Variants in LRRTM4 observed in about 807,000 individuals in gnomAD.
LRRTM4 encodes the protein leucine rich repeat transmembrane neuronal 4, also known as leucine-rich repeat transmembrane neuronal protein 4.
LRRTM4 carries 25 observed loss-of-function variants against 47.6 expected under a neutral mutation model. The observed-to-expected ratio is 0.53, with a 90% CI of 0.38 to 0.73. LRRTM4 has a LOEUF of 0.73. Ranked by LOEUF, LRRTM4 falls within the 30% of genes least tolerant of loss-of-function variation. LRRTM4 has a pLI of 0.00. For synonymous variants in LRRTM4, 311 were observed against 269.5 expected (o/e 1.15, Z -1.51); for missense variants, 638 against 713.4 (o/e 0.89, Z 1.20).
chr2:77,471,246 T>C (rs1573458694), intron 3 of LRRTM4, among the ~76,000 whole-genome samples: 1 of 152,164 alleles, frequency 6.6e-6, no homozygotes, highest in African/African-American at 2.4e-5. Context: ...ACAGTTACTA[T>C]AGACTCATTT....
chr2:76,917,499 T>C (rs2103798444), intron 3 of LRRTM4, among the ~76,000 whole-genome samples: 1 of 152,274 alleles, frequency 6.6e-6, no homozygotes, highest in Middle Eastern at 3.4e-3. Context: ...CCAGGCCATT[T>C]ACCTATATAG....
chr2:77,181,302 T>C (rs1673340974), intron 3 of LRRTM4, among the ~76,000 whole-genome samples: 2 of 152,082 alleles, frequency 1.3e-5, no homozygotes, highest in Non-Finnish European at 2.9e-5. Flanking sequence ...GTGAAGTACA[T>C]GAGGGAAAGG....
chr2:77,252,482 T>C (rs771121175), intron 3 of LRRTM4, among the ~76,000 whole-genome samples: 1 of 152,192 alleles, frequency 6.6e-6, no homozygotes, highest in Non-Finnish European at 1.5e-5. Flanking sequence ...CTGCTATGAC[T>C]CTATGTAACC....
At chr2:76,954,855 T>C (rs1487193338) in intron 3 of LRRTM4, among the ~76,000 whole-genome samples, 3 of 151,766 alleles carry the variant, frequency 2.0e-5, no homozygotes, top group African/African-American at 7.3e-5. Flanking sequence ...TATCAGTGAT[T>C]TATCAGCAGA....
At chr2:77,347,738 TA>T (rs1158106974) in intron 3 of LRRTM4, among the ~76,000 whole-genome samples, 2 of 152,154 alleles carry the variant, frequency 1.3e-5, no homozygotes, top group East Asian at 3.9e-4. Flanking sequence ...TAAAAGTTTC[TA>T]AACTTGATTT....
chr2:77,020,445 C>G (rs1412887659), intron 3 of LRRTM4, among the ~76,000 whole-genome samples: 2 of 152,040 alleles, frequency 1.3e-5, no homozygotes, highest in African/African-American at 4.8e-5. Flanking sequence ...TATGGAGGTA[C>G]CTAGCAGATC....
At chr2:77,392,438 A>T (rs2103817194) in intron 3 of LRRTM4, among the ~76,000 whole-genome samples, 1 of 152,156 alleles carries the variant, frequency 6.6e-6, no homozygotes, top group East Asian at 1.9e-4. Flanking sequence ...ATTCACTGAG[A>T]CCTGTCTCAG....
intron 3 of LRRTM4, among the ~76,000 whole-genome samples, chr2:77,159,543 A>G (rs186840711): frequency 7.9e-5 from 12 of 151,960 alleles, no homozygotes; most frequent in Admixed American, 3.3e-4. Flanking sequence ...AAAAGAAAAA[A>G]AAAGGAAATC....
chr2:77,480,189 A>G (rs1677616390), intron 3 of LRRTM4, among the ~76,000 whole-genome samples: 1 of 152,088 alleles, frequency 6.6e-6, no homozygotes, highest in African/African-American at 2.4e-5. Flanking sequence ...GCAAATCCTG[A>G]CTAATCGGTG....
Position 77,130,824 on chromosome 2 carries a change from A to ATTTTTTTTTTTTTTT in LRRTM4, c.1552-381923_1552-381909dup, listed in dbSNP as rs768577274. 2.5e-4 allele frequency among the ~76,000 whole-genome samples: 9 copies of ATTTTTTTTTTTTTTT among 35,622 alleles called. 3 individuals are homozygous for ATTTTTTTTTTTTTTT. Among genetic ancestry groups the ATTTTTTTTTTTTTTT allele is most frequent in the African/African-American group, 3.7e-4 (3 of 8,050 alleles). The allele number at this position is 35,622 out of a possible 152,430, so 23.4% of individuals were successfully genotyped here. On this transcript the variant is annotated intron_variant, in intron 3 of 3. Transcript: ENST00000409884. Reference sequence around the variant, plus strand: ...CCGTGCCCGGCCAATTATTTGTTCTATTTTTTTTTTTTTTTTTTTTTTTTT... The same window carrying ATTTTTTTTTTTTTTT: ...CCGTGCCCGGCCAATTATTTGTTCTATTTTTTTTTTTTTTTTTTTTTTTTTTTTTTTTTTTTTTTT...
chr2:77,178,602 A>T (rs1056815953), intron 3 of LRRTM4, among the ~76,000 whole-genome samples: 2 of 151,964 alleles, frequency 1.3e-5, no homozygotes, highest in Admixed American at 6.6e-5. Context: ...AAACAACAAC[A>T]ACAACAACAA....
intron 3 of LRRTM4, among the ~76,000 whole-genome samples, chr2:77,020,802 G>C (rs1678240084): frequency 6.6e-6 from 1 of 152,146 alleles, no homozygotes; most frequent in Non-Finnish European, 1.5e-5. Context: ...CAACAACGAA[G>C]ATGCTGAGAA....
At chr2:77,474,435 T>A (rs574796016) in intron 3 of LRRTM4, among the ~76,000 whole-genome samples, 1 of 152,024 alleles carries the variant, frequency 6.6e-6, no homozygotes, top group Non-Finnish European at 1.5e-5. Flanking sequence ...ATTTGTTGTA[T>A]ACAAAATAGC....
intron 3 of LRRTM4, among the ~76,000 whole-genome samples, chr2:77,166,343 A>G (rs185759492): frequency 7.6e-4 from 115 of 152,316 alleles, no homozygotes; most frequent in African/African-American, 2.6e-3. Context: ...ATGCTCATGG[A>G]TAGGAAGAAT....
intron 3 of LRRTM4, among the ~76,000 whole-genome samples, chr2:76,955,884 T>C (rs1471039458): frequency 6.6e-6 from 1 of 151,754 alleles, no homozygotes; most frequent in African/African-American, 2.4e-5. Context: ...TCCCACTCTA[T>C]GGTAAATTGT....
chr2:76,939,468 A>C (rs1426645852), intron 3 of LRRTM4, among the ~76,000 whole-genome samples: 3 of 152,030 alleles, frequency 2.0e-5, no homozygotes, highest in Non-Finnish European at 4.4e-5. Flanking sequence ...TTGGTGAAAA[A>C]ATCGTCTGGC....
intron 3 of LRRTM4, among the ~76,000 whole-genome samples, chr2:77,421,631 C>T (rs999881759): frequency 3.1e-4 from 47 of 151,418 alleles, no homozygotes; most frequent in African/African-American, 1.0e-3. Flanking sequence ...GGCGTGAACC[C>T]GGGAGGCGGA....
chr2:77,179,490 T>C (rs553118706), intron 3 of LRRTM4, among the ~76,000 whole-genome samples: 10 of 152,294 alleles, frequency 6.6e-5, no homozygotes, highest in African/African-American at 2.4e-4. Context: ...TTTGTTCAGT[T>C]GACTGACAGG....
chr2:76,901,631 C>T lies in LRRTM4; in HGVS notation c.1552-152715G>A, dbSNP rs571740664. On this transcript the variant is annotated intron_variant, in intron 3 of 3. Transcript: ENST00000409884. ...AAAGACTTTTCTGTTTAATTGAGATCTAGAGAAAGATATAAAAGCCCAGAA... is the reference window on the plus strand; with the variant it reads ...AAAGACTTTTCTGTTTAATTGAGATTTAGAGAAAGATATAAAAGCCCAGAA... Among the ~76,000 whole-genome samples, 3 of 152,238 alleles carry T rather than the reference C, an allele frequency of 2.0e-5. No homozygotes were observed. In the East Asian group the frequency reaches 5.8e-4, roughly 29 times the overall value.
Sources: allele counts gnomAD v4.1 joint callset (sites outside exome capture counted in the v4.1 genomes callset), GRCh38; gene constraint gnomAD v4.1.1; transcripts MANE v1.5; gene names NCBI Gene and HGNC (gene_info 2026-07-23, HGNC 2026-07-21).